MCM7: variants seen among roughly 807,000 people sequenced by gnomAD.
MCM7 encodes the protein DNA replication licensing factor MCM7.
MCM7 carries 95 observed loss-of-function variants against 83.5 expected under a neutral mutation model. The observed-to-expected ratio is 1.14, with a 90% CI of 0.96 to 1.35. The LOEUF is 1.35. Ranked by LOEUF, MCM7 falls within the 40% of genes most tolerant of loss-of-function variation. The pLI, the probability that MCM7 is intolerant of heterozygous loss-of-function variation, is 0.00. For missense variants in MCM7, 1,087 were observed against 957.4 expected (o/e 1.14, Z -1.79); for synonymous variants, 461 against 352.7 (o/e 1.31, Z -3.44).
intron 5 of MCM7, 39 bp downstream of exon 5, chr7:100,098,984 A>G: frequency 6.2e-7 from 1 of 1,610,812 alleles, no homozygotes; most frequent in East Asian, 2.2e-5. Flanking sequence ...CAAAACAACT[A>G]ATGGGTAAGT....
In MCM7 at chr7:100,099,684, C is replaced by CGG; in HGVS notation, c.179_180dup (p.Glu61ProfsTer35). 2 of 1,614,210 alleles carry CGG rather than the reference C, an allele frequency of 1.2e-6. No individual in the cohort carries two copies. Among genetic ancestry groups the CGG allele is most frequent in the Non-Finnish European group, 8.5e-7 (1 of 1,180,038 alleles). ...TTCTCACAAATTGAGTCCACCAACT[C>CGG]GGGGTCATCCTCGGCTACGTCGTCC... On this transcript the variant is annotated frameshift_variant, in exon 3 of 15. Transcript: ENST00000303887. LOFTEE classifies it high-confidence loss of function.
intron 5 of MCM7, 22 bp downstream of exon 5, chr7:100,099,001 C>T: frequency 6.2e-7 from 1 of 1,613,070 alleles, no homozygotes; most frequent in East Asian, 2.2e-5. Context: ...AAGTGCTTTC[C>T]TGCTTCTTGC....
chr7:100,098,759 A>C, intron 5 of MCM7, 44 bp from the exon 6 acceptor site: 5 of 1,610,854 alleles, frequency 3.1e-6, no homozygotes, highest in Non-Finnish European at 4.2e-6. Context: ...CAGAAGGAAA[A>C]GAGCCCCATT....
In MCM7 at chr7:100,101,357, A is replaced by G. The variant is rs545473946; in HGVS notation, c.-63T>C. On this transcript the variant is annotated 5_prime_UTR_variant, in exon 1 of 15. Transcript: ENST00000303887. Reference sequence around the variant, plus strand: ...AGAGGTCTTGCTCCTGGGGAAGCTGAGAATCTCCGCGCGGTGGACTGTGGC... The same window carrying G: ...AGAGGTCTTGCTCCTGGGGAAGCTGGGAATCTCCGCGCGGTGGACTGTGGC... 3.7e-5 allele frequency: 60 copies of G among 1,606,624 alleles called. No homozygotes were observed. The highest frequency in any genetic ancestry group is 2.3e-4 in the African/African-American group (17 of 74,966).
rs1796019235 is a variant in MCM7, at chr7:100,101,365, C to T, written c.-71G>A. ...TGCTCCTGGGGAAGCTGAGAATCTC[C>T]GCGCGGTGGACTGTGGCCGGCCAAC... On this transcript the variant is annotated 5_prime_UTR_variant, in exon 1 of 15. Coordinates refer to ENST00000303887, the MANE Select transcript of MCM7 (RefSeq NM_005916.5). The T allele has an allele frequency of 3.1e-6, 5 of 1,600,706 alleles. No homozygotes were observed. The highest frequency in any genetic ancestry group is 2.7e-5 in the African/African-American group (2 of 74,744).
Position 100,100,020 on chromosome 7 carries a change from G to C in MCM7, c.105C>G (p.Asn35Lys). ...ELGKKQFKYG[N>K]QLVRLAHREQ... The stretch of plus-strand genomic sequence containing the variant: ...TACCCAATCTTAGACTTACCAACTG[G>C]TTCCCATACTTGAACTGCTTCTTCC... Residue 35 changes from asparagine (N) to lysine (K), a missense_variant, in exon 2 of 15, where the codon AAC (asparagine) becomes AAG (lysine). Coordinates refer to ENST00000303887, the MANE Select transcript of MCM7 (RefSeq NM_005916.5). The C allele has an allele frequency of 1.2e-6, 2 of 1,613,758 alleles. No homozygotes were observed. Among genetic ancestry groups the C allele is most frequent in the Non-Finnish European group, 1.7e-6 (2 of 1,179,720 alleles).
chr7:100,096,334 C>G (rs931733695), intron 10 of MCM7, among the ~76,000 whole-genome samples, 167 bp from the exon 11 acceptor site: 3 of 152,172 alleles, frequency 2.0e-5, no homozygotes, highest in African/African-American at 7.2e-5. Context: ...GCAATGTCCC[C>G]CTTCCCCTCC....
At position 100,097,765 on chromosome 7, in the gene MCM7, G is replaced by C. The variant is rs1201903933; in HGVS notation, c.986-20C>G. 1.9e-6 allele frequency: 3 copies of C among 1,614,044 alleles called. No individual in the cohort carries two copies. The South Asian group carries it at 3.3e-5, about 18-fold the overall frequency. ...CCTCCTCTGTAGAGAAGTTAAGGTT[G>C]TTTTATTTTCTGGGGGAAAAGGGAG... On this transcript the variant is annotated intron_variant, in intron 8 of 14. Coordinates refer to ENST00000303887, the MANE Select transcript of MCM7 (RefSeq NM_005916.5).
chr7:100,096,194 G>T lies in MCM7; in HGVS notation c.1202-27C>A, dbSNP rs367567257. ...TGGAAGAGAAGAAATAAGGAACCAT[G>T]AGAGAGAAAGAACAAGAAAGAGAAC... On this transcript the variant is annotated intron_variant, in intron 10 of 14. Transcript: ENST00000303887. The T allele has an allele frequency of 7.8e-6, 12 of 1,532,990 alleles. No individual in the cohort carries two copies. The Admixed American group carries it at 2.6e-4, about 33-fold the overall frequency. The allele number at this position is 1,532,990 out of a possible 1,614,324, so 95.0% of individuals were successfully genotyped here.
rs1554372413 is a variant in MCM7, at chr7:100,093,156, T to TAAGGTCAGGATAC, written c.1959-36_1959-24dup. The TAAGGTCAGGATAC allele has an allele frequency of 4.3e-5, 70 of 1,611,760 alleles. No individual in the cohort carries two copies. In the South Asian group the frequency reaches 7.3e-4, roughly 17 times the overall value. On this transcript the variant is annotated intron_variant, in intron 14 of 14. Coordinates refer to ENST00000303887, the MANE Select transcript of MCM7 (RefSeq NM_005916.5). ...GTCCTGAAGGAAATGAGTGGGTGTG[T>TAAGGTCAGGATAC]AAGGTCAGGATACAAACAGGAATGC...
At chr7:100,094,495 T>C (rs1795514206) in intron 12 of MCM7, among the ~76,000 whole-genome samples, 154 bp from the exon 13 acceptor site, 1 of 152,222 alleles carries the variant, frequency 6.6e-6, no homozygotes, top group African/African-American at 2.4e-5. Context: ...GATTATTTGC[T>C]TGGCTTGAAT....
At chr7:100,093,748 A>G (rs1189171875) in intron 13 of MCM7, 2 of 623,360 alleles carry the variant, frequency 3.2e-6, no homozygotes, top group Non-Finnish European at 6.3e-6. Flanking sequence ...CAAGAAGACA[A>G]TTGGCAGAGA....
Position 100,095,848 on chromosome 7 carries a change from T to C in MCM7, c.1521A>G (p.Leu507=), listed in dbSNP as rs1252435113. Residue 507 remains leucine, a synonymous_variant, in exon 11 of 15, where the codon CTA becomes CTG. Coordinates refer to ENST00000303887, the MANE Select transcript of MCM7 (RefSeq NM_005916.5). ...CAAACCGGGAGAGCAGTGCAGCAGG[T>C]AGCTGTATGTTCTGCTCCAGGCTGC... The part of the protein sequence containing the change: ...PRRSLEQNIQ[L]PAALLSRFDL... 6.2e-7 allele frequency: 1 copy of C among 1,612,262 alleles called. No individual in the cohort carries two copies. The highest frequency in any genetic ancestry group is 8.5e-7 in the Non-Finnish European group (1 of 1,179,656).
At chr7:100,100,525 T>C in intron 1 of MCM7, 1 of 997,700 alleles carries the variant, frequency 1.0e-6, no homozygotes, top group Non-Finnish European at 1.2e-6. Context: ...GCTTCCGCTC[T>C]TAGTAAACAA....
In MCM7 at chr7:100,101,338, C is replaced by A. The variant is rs556955748; in HGVS notation, c.-44G>T. On this transcript the variant is annotated 5_prime_UTR_variant, in exon 1 of 15. Coordinates refer to ENST00000303887, the MANE Select transcript of MCM7 (RefSeq NM_005916.5). ...GGCCGCGCTTGGCGGGCTCAGAGGT[C>A]TTGCTCCTGGGGAAGCTGAGAATCT... 1 of 1,612,168 alleles carries A rather than the reference C, an allele frequency of 6.2e-7. No homozygotes were observed. Among genetic ancestry groups the A allele is most frequent in the South Asian group, 1.1e-5 (1 of 91,062 alleles).
intron 12 of MCM7, 99 bp from the exon 13 acceptor site, chr7:100,094,440 T>A (rs576035416): frequency 8.0e-6 from 11 of 1,373,214 alleles, no homozygotes; most frequent in Non-Finnish European, 1.1e-5. Flanking sequence ...CCATTTAACA[T>A]GGTCCCCTCC....
rs1259372995 is a variant in MCM7 at position 100,097,595 on chromosome 7, C to T, written c.1117+19G>A. On this transcript the variant is annotated intron_variant, in intron 9 of 14. Transcript: ENST00000303887. ...AAATGACTTCATCCACCCTGAGCCT[C>T]TCCCTTGTTTCTTCTTACCCCGGAT... 1.2e-6 allele frequency: 2 copies of T among 1,613,164 alleles called. No individual in the cohort carries two copies. The highest frequency in any genetic ancestry group is 1.7e-6 in the Non-Finnish European group (2 of 1,180,022).
chr7:100,096,840 C>T (rs903452675), intron 10 of MCM7, among the ~76,000 whole-genome samples: 5 of 152,076 alleles, frequency 3.3e-5, no homozygotes, highest in East Asian at 3.9e-4. Context: ...CGGTGGCTCA[C>T]GCCTGTAATC....
At chr7:100,100,131 T>C (rs976405452) in intron 1 of MCM7, 38 bp from the exon 2 acceptor site, 1 of 1,608,444 alleles carries the variant, frequency 6.2e-7, no homozygotes, top group Non-Finnish European at 8.5e-7. Flanking sequence ...ACACAAACTT[T>C]AAGACAAATC....
Sources: gnomAD v4.1 joint callset for allele counts (sites outside exome capture counted in the v4.1 genomes callset) on GRCh38, gnomAD v4.1.1 for gene constraint, MANE v1.5 for transcripts, NCBI Gene and HGNC (gene_info 2026-07-23, HGNC 2026-07-21) for gene names.